RFC3: variants seen among roughly 807,000 people sequenced by gnomAD.
RFC3 encodes the protein replication factor C subunit 3.
In RFC3, 41 loss-of-function variants were observed where a neutral mutation model predicts 45.1. The observed-to-expected ratio is 0.91, with a 90% CI of 0.71 to 1.18. The LOEUF is 1.18. RFC3 is among the 50% of genes most tolerant of loss of function. The pLI, the probability that RFC3 is intolerant of heterozygous loss-of-function variation, is 0.00. For synonymous variants in RFC3, 149 were observed against 144.0 expected (o/e 1.03, Z -0.25); for missense variants, 423 against 428.1 (o/e 0.99, Z 0.10).
intron 8 of RFC3, among the ~76,000 whole-genome samples, chr13:33,955,759 A>C (rs566309394): frequency 6.6e-6 from 1 of 152,302 alleles, no homozygotes; most frequent in African/African-American, 2.4e-5. Context: ...TTCACAGCCA[A>C]ATAACTTCAT....
chr13:33,961,423 T>C (rs561582735), intron 8 of RFC3, among the ~76,000 whole-genome samples: 1 of 152,354 alleles, frequency 6.6e-6, no homozygotes, highest in Admixed American at 6.5e-5. Flanking sequence ...TCTGACTCAC[T>C]GAACATTTCC....
chr13:33,853,348 G>A (rs1397864777), intron 8 of RFC3, among the ~76,000 whole-genome samples: 3 of 152,088 alleles, frequency 2.0e-5, no homozygotes, highest in Admixed American at 2.0e-4. Flanking sequence ...GGAAATAAGA[G>A]ATATGAACTC....
intron 8 of RFC3, among the ~76,000 whole-genome samples, chr13:33,950,912 C>G (rs2082985702): frequency 6.6e-6 from 1 of 152,084 alleles, no homozygotes; most frequent in East Asian, 1.9e-4. Context: ...AGGTTTCCAC[C>G]CACATGTTTA....
intron 4 of RFC3, among the ~76,000 whole-genome samples, chr13:33,829,149 A>G (rs2082078454): frequency 6.6e-6 from 1 of 152,220 alleles, no homozygotes; most frequent in South Asian, 2.1e-4. Flanking sequence ...ATTTGTTAAT[A>G]TAATGAAAAA....
chr13:33,829,469 C>T (rs1454015436), intron 4 of RFC3: 2 of 214,458 alleles, frequency 9.3e-6, no homozygotes, highest in South Asian at 7.9e-5. Context: ...TACAAAGTGA[C>T]CTTTTAACTT....
intron 8 of RFC3, among the ~76,000 whole-genome samples, chr13:33,960,799 G>A (rs77430373): frequency 6.6e-6 from 1 of 152,168 alleles, no homozygotes; most frequent in Non-Finnish European, 1.5e-5. Context: ...GGAGACCCAG[G>A]TGACCCTGAA....
At chr13:33,943,746 T>G (rs1442816717) in intron 8 of RFC3, among the ~76,000 whole-genome samples, 1 of 151,686 alleles carries the variant, frequency 6.6e-6, no homozygotes, top group Non-Finnish European at 1.5e-5. Context: ...ATGGGGGGCT[T>G]GCTTCTTTTT....
At chr13:33,857,127 CAT>C (rs1420821375) in intron 8 of RFC3, among the ~76,000 whole-genome samples, 1 of 152,126 alleles carries the variant, frequency 6.6e-6, no homozygotes, top group East Asian at 1.9e-4. Context: ...AATCTTTAGA[CAT>C]AAATTTATTC....
intron 8 of RFC3, among the ~76,000 whole-genome samples, chr13:33,931,543 G>A (rs1471814064): frequency 1.3e-5 from 2 of 152,050 alleles, no homozygotes; most frequent in East Asian, 1.9e-4. Context: ...AAAATCTTGC[G>A]AACAGGAGAC....
intron 8 of RFC3, among the ~76,000 whole-genome samples, chr13:33,865,543 C>T (rs1301646688): frequency 1.3e-5 from 2 of 152,182 alleles, no homozygotes; most frequent in Non-Finnish European, 2.9e-5. Context: ...TCTGAGGAAG[C>T]TCTACCAAGG....
chr13:33,922,591 A>G (rs139230812), intron 8 of RFC3, among the ~76,000 whole-genome samples: 1,955 of 152,266 alleles, frequency 0.013, 34 homozygotes, highest in African/African-American at 0.045. Context: ...GACTGGTGGT[A>G]CTTATTCAAA....
intron 8 of RFC3, among the ~76,000 whole-genome samples, chr13:33,866,634 A>G (rs946322356): frequency 3.3e-5 from 5 of 152,192 alleles, no homozygotes; most frequent in African/African-American, 9.6e-5. Flanking sequence ...CCCCTCAGAA[A>G]AGGCCCGATA....
intron 7 of RFC3, among the ~76,000 whole-genome samples, chr13:33,834,329 T>TATATACACATAC (rs1300798923): frequency 1.8e-4 from 22 of 125,082 alleles, no homozygotes; most frequent in South Asian, 1.1e-3. Flanking sequence ...TATATATATA[T>TATATACACATAC]ATCTGTACTG....
intron 8 of RFC3, among the ~76,000 whole-genome samples, chr13:33,897,884 T>G (rs1275725617): frequency 6.6e-6 from 1 of 151,984 alleles, no homozygotes; most frequent in Non-Finnish European, 1.5e-5. Flanking sequence ...TAAATATCTA[T>G]GTACCCATCA....
chr13:33,858,136 G>A (rs1400363010), intron 8 of RFC3, among the ~76,000 whole-genome samples: 4 of 152,174 alleles, frequency 2.6e-5, no homozygotes, highest in Admixed American at 2.0e-4. Flanking sequence ...CTGAGATGTG[G>A]ACATTATTTT....
At chr13:33,829,731 G>C (rs2082083559) in intron 4 of RFC3, 105 bp from the exon 5 acceptor site, 1 of 858,736 alleles carries the variant, frequency 1.2e-6, no homozygotes, top group East Asian at 2.5e-5. Context: ...AGTATATCAG[G>C]CTTATTATTT....
At chr13:33,914,616 A>G (rs1053545832) in intron 8 of RFC3, among the ~76,000 whole-genome samples, 3 of 152,180 alleles carry the variant, frequency 2.0e-5, no homozygotes, top group African/African-American at 7.2e-5. Flanking sequence ...AGCCAAAGAA[A>G]AAAGCTGCTT....
chr13:33,916,826 A>G (rs1593689924), intron 8 of RFC3, among the ~76,000 whole-genome samples: 1 of 151,294 alleles, frequency 6.6e-6, no homozygotes, highest in East Asian at 1.9e-4. Context: ...GTGTGTATGC[A>G]TGTGTATGTA....
chr13:33,947,315 C>T (rs1184274832), intron 8 of RFC3, among the ~76,000 whole-genome samples: 1 of 152,122 alleles, frequency 6.6e-6, no homozygotes, highest in African/African-American at 2.4e-5. Flanking sequence ...TGCACTTATT[C>T]TCCTGCTGCC....
Sources: allele counts gnomAD v4.1 joint callset (sites outside exome capture counted in the v4.1 genomes callset), GRCh38; gene constraint gnomAD v4.1.1; transcripts MANE v1.5; gene names NCBI Gene and HGNC (gene_info 2026-07-23, HGNC 2026-07-21).